TADA2B: variants seen among roughly 807,000 people sequenced by gnomAD.
TADA2B encodes transcriptional adapter 2-beta.
In TADA2B, 13 loss-of-function variants were observed where a neutral mutation model predicts 34.5. The ratio of observed to expected loss-of-function variants is 0.38; its 90% CI spans 0.25 to 0.60. The LOEUF is 0.60. TADA2B is among the 20% of genes least tolerant of loss of function. The pLI, the probability that TADA2B is intolerant of heterozygous loss-of-function variation, is 0.65. For missense variants in TADA2B, 442 were observed against 575.0 expected (o/e 0.77, Z 2.37); for synonymous variants, 240 against 243.4 (o/e 0.99, Z 0.13).
In TADA2B at chr4:7,055,594, A is replaced by C. The variant is rs1410544887; in HGVS notation, c.*540A>C. On this transcript the variant is annotated 3_prime_UTR_variant, in exon 2 of 2. Transcript: ENST00000310074. Reference sequence around the variant, plus strand: ...CTCCTCCGCTGTGTAGCAGATGAGGAAAATCAGGCCAGAGGACAACAGGCT... The same window carrying C: ...CTCCTCCGCTGTGTAGCAGATGAGGCAAATCAGGCCAGAGGACAACAGGCT... The C allele has an allele frequency of 6.5e-6, 1 of 152,982 alleles. No homozygotes were observed. 9.5% of individuals were successfully genotyped at this position (152,982 alleles called of 1,614,324 possible).
chr4:7,056,029 T>G lies in TADA2B; in HGVS notation c.*975T>G, dbSNP rs924673207. The stretch of plus-strand genomic sequence containing the variant: ...GATTTTCTTCAGTTGCAAGTACCTT[T>G]CCACTGAAAATATGAGCATGCCCGC... On this transcript the variant is annotated 3_prime_UTR_variant, in exon 2 of 2. Transcript: ENST00000310074. The G allele has an allele frequency of 1.3e-5, 2 of 152,328 alleles. No individual in the cohort carries two copies. Among genetic ancestry groups the G allele is most frequent in the African/African-American group, 4.8e-5 (2 of 41,450 alleles). The allele number at this position is 152,328 out of a possible 1,614,324, so 9.4% of individuals were successfully genotyped here. A position where few individuals can be genotyped will look rare whatever the true frequency, so the allele number is the denominator to read the frequency against.
chr4:7,046,836 G>A (rs1024032235), intron 1 of TADA2B, among the ~76,000 whole-genome samples: 4 of 152,178 alleles, frequency 2.6e-5, no homozygotes, highest in Non-Finnish European at 4.4e-5. Context: ...TCATGGGAGA[G>A]GGTGGATTGT....
At chr4:7,052,265 G>A (rs529773685) in intron 1 of TADA2B, among the ~76,000 whole-genome samples, 44 of 152,370 alleles carry the variant, frequency 2.9e-4, no homozygotes, top group South Asian at 2.7e-3. Flanking sequence ...GACGTGAGGC[G>A]TTGGGATGGA....
At chr4:7,044,095 C>T (rs1723556834) in intron 1 of TADA2B, among the ~76,000 whole-genome samples, 1 of 152,264 alleles carries the variant, frequency 6.6e-6, no homozygotes, top group Admixed American at 6.5e-5. Context: ...TGAACGCTGG[C>T]TTCTGACAGC....
intron 1 of TADA2B, among the ~76,000 whole-genome samples, chr4:7,051,689 C>T (rs1723772709): frequency 6.6e-6 from 1 of 152,106 alleles, no homozygotes; most frequent in South Asian, 2.1e-4. Context: ...GCTCCACCTC[C>T]CGGGTTCACG....
At chr4:7,046,991 C>T (rs747804930) in intron 1 of TADA2B, among the ~76,000 whole-genome samples, 8 of 151,986 alleles carry the variant, frequency 5.3e-5, no homozygotes, top group East Asian at 1.9e-4. Context: ...TGTTTGATAG[C>T]GAGGGGCAGA....
chr4:7,050,174 G>A (rs1311918186), intron 1 of TADA2B, among the ~76,000 whole-genome samples: 1 of 152,232 alleles, frequency 6.6e-6, no homozygotes, highest in Non-Finnish European at 1.5e-5. Flanking sequence ...GAGCCCTCCC[G>A]CGCTGCCACC....
At chr4:7,050,380 CTTA>C (rs1723731158) in intron 1 of TADA2B, among the ~76,000 whole-genome samples, 1 of 152,262 alleles carries the variant, frequency 6.6e-6, no homozygotes, top group Admixed American at 6.5e-5. Flanking sequence ...GGACCCCTCC[CTTA>C]CACCGAGCTC....
intron 1 of TADA2B, chr4:7,045,020 TC>T: frequency 6.6e-6 from 1 of 152,438 alleles, no homozygotes; most frequent in African/African-American, 2.4e-5. Context: ...TTTCAGAAAC[TC>T]CGTCCCACCT....
At chr4:7,046,443 G>A (rs1314020305) in intron 1 of TADA2B, among the ~76,000 whole-genome samples, 1 of 152,202 alleles carries the variant, frequency 6.6e-6, no homozygotes, top group Non-Finnish European at 1.5e-5. Flanking sequence ...TATTCTTACA[G>A]TTGAAGAACA....
intron 1 of TADA2B, among the ~76,000 whole-genome samples, chr4:7,050,816 C>T (rs566445889): frequency 2.6e-5 from 4 of 152,242 alleles, no homozygotes; most frequent in Non-Finnish European, 4.4e-5. Context: ...CTCATCACAA[C>T]ATCGGGAAGC....
Position 7,054,792 on chromosome 4 carries a change from G to C in TADA2B, c.1001G>C (p.Gly334Ala). 6.2e-7 allele frequency: 1 copy of C among 1,613,920 alleles called. No individual in the cohort carries two copies. The highest frequency in any genetic ancestry group is 8.5e-7 in the Non-Finnish European group (1 of 1,179,886). ...GGCTCCAAACGGGGAAAGGAGGACGGCAAAGACAGCGAGTTCGCCGCCATT... is the reference window on the plus strand; with the variant it reads ...GGCTCCAAACGGGGAAAGGAGGACGCCAAAGACAGCGAGTTCGCCGCCATT... ...LAGSKRGKEDGKDSEFAAIEN... is the reference protein window; with the variant it reads ...LAGSKRGKEDAKDSEFAAIEN... Residue 334 changes from glycine (G) to alanine (A), a missense_variant, in exon 2 of 2, where the codon GGC becomes GCC. By Grantham distance (60) the Gly-to-Ala change is moderately conservative (BLOSUM62 0). Coordinates refer to ENST00000310074, the MANE Select transcript of TADA2B (RefSeq NM_152293.3).
chr4:7,044,156 G>T (rs1723558395), intron 1 of TADA2B, among the ~76,000 whole-genome samples: 1 of 152,258 alleles, frequency 6.6e-6, no homozygotes, highest in Non-Finnish European at 1.5e-5. Flanking sequence ...TTTGCGGAGT[G>T]CAGACGTTGG....
At chr4:7,046,344 T>C (rs753242034) in intron 1 of TADA2B, 4 of 152,286 alleles carry the variant, frequency 2.6e-5, no homozygotes, top group African/African-American at 4.8e-5. Context: ...TGTCCCACTT[T>C]GGCATATTTA....
At chr4:7,047,397 T>G (rs1723655237) in intron 1 of TADA2B, among the ~76,000 whole-genome samples, 1 of 152,228 alleles carries the variant, frequency 6.6e-6, no homozygotes. Context: ...TGGAAGGCCT[T>G]GTGCACACAC....
rs145346344 is a variant in TADA2B at position 7,052,418 on chromosome 4, C to T, written c.271-1644C>T. Among the ~76,000 whole-genome samples, 1,475 of 152,332 alleles carry T rather than the reference C, an allele frequency of 9.7e-3. 10 individuals carry two copies. Among genetic ancestry groups the T allele is most frequent in the Middle Eastern group, 0.037 (11 of 294 alleles). ...TAGTTATCTGTTTCAGAGGCCATTG[C>T]GGTTCCTGGGGCTCCCTGGCCCCAA... On this transcript the variant is annotated intron_variant, in intron 1 of 1. Coordinates refer to ENST00000310074, the MANE Select transcript of TADA2B (RefSeq NM_152293.3).
At chr4:7,051,298 C>G in intron 1 of TADA2B, among the ~76,000 whole-genome samples, 1 of 152,314 alleles carries the variant, frequency 6.6e-6, no homozygotes, top group East Asian at 1.9e-4. Context: ...ACGCTGTGGC[C>G]GCACCTGCCT....
chr4:7,044,339 C>T (rs1453589228), intron 1 of TADA2B, among the ~76,000 whole-genome samples: 1 of 152,196 alleles, frequency 6.6e-6, no homozygotes, highest in African/African-American at 2.4e-5. Flanking sequence ...CTGTGTGGTC[C>T]GCAGTGCACA....
In TADA2B at chr4:7,057,898, AC is replaced by A. The variant is rs71173482; in HGVS notation, c.*2847del. ...TCCCAAGAATGTATTAAAAACAGCA[AC>A]CCTGCCTACCGTTTTGATGACCTTT... is the stretch of plus-strand genomic sequence containing the variant. On this transcript the variant is annotated 3_prime_UTR_variant, in exon 2 of 2. Transcript: ENST00000310074. The A allele has an allele frequency of 0.7, 105,705 of 152,014 alleles. 37,913 individuals are homozygous for A. The highest frequency in any genetic ancestry group is 0.8 in the South Asian group (3,846 of 4,822). The allele number at this position is 152,014 out of a possible 1,614,324, so 9.4% of individuals were successfully genotyped here.
Sources: allele counts gnomAD v4.1 joint callset (sites outside exome capture counted in the v4.1 genomes callset), GRCh38; gene constraint gnomAD v4.1.1; transcripts MANE v1.5; gene names NCBI Gene and HGNC (gene_info 2026-07-23, HGNC 2026-07-21).